DLGAP2: variants seen among roughly 807,000 people sequenced by gnomAD.
DLGAP2 encodes disks large-associated protein 2.
Under a neutral mutation model 100.3 loss-of-function variants are expected in DLGAP2, and 26 were observed. The ratio of observed to expected loss-of-function variants is 0.26; its 90% CI spans 0.19 to 0.36. The LOEUF (loss-of-function observed/expected upper bound fraction) is 0.36. Ranked by LOEUF, DLGAP2 falls within the 10% of genes least tolerant of loss-of-function variation. The pLI is 1.00. For missense variants in DLGAP2, 1,858 were observed against 1,453.2 expected (o/e 1.28, Z -4.53); for synonymous variants, 886 against 630.1 (o/e 1.41, Z -6.08).
rs867490767 is a variant in DLGAP2, at chr8:1,676,534, T to G, written c.2204T>G (p.Val735Gly). The G allele has an allele frequency of 6.2e-7, 1 of 1,612,794 alleles. No individual in the cohort carries two copies. The highest frequency in any genetic ancestry group is 1.7e-5 in the Admixed American group (1 of 59,898). ...ATAAGACGTTCTCTGTTGAATTAGG[T>G]GGAAACGGCCACAGATTCTGACACG... ...PEHQPYPRSDVETATDSDTES... is the reference protein window; with the variant it reads ...PEHQPYPRSDGETATDSDTES... The change falls in exon 11 of 15, where the codon GTG becomes GGG. Residue 735 changes from valine (V) to glycine (G), a missense_variant and splice_region_variant. Val to Gly is a moderately radical substitution (Grantham distance 109). Transcript: ENST00000637795.
Position 1,435,059 on chromosome 8 carries a change from G to A in DLGAP2, c.107-66307G>A, listed in dbSNP as rs377364774. 9.9e-5 allele frequency among the ~76,000 whole-genome samples: 15 copies of A among 152,256 alleles called. No individual in the cohort carries two copies. In the East Asian group the frequency reaches 1.9e-3, roughly 20 times the overall value. ...ACATTTCAATGGTCACTTTGGCTCCGCCGTCCTTATTGCTCCTGGAAGCTT... is the reference window on the plus strand; with the variant it reads ...ACATTTCAATGGTCACTTTGGCTCCACCGTCCTTATTGCTCCTGGAAGCTT... On this transcript the variant is annotated intron_variant, in intron 3 of 14. Transcript: ENST00000637795.
chr8:1,412,146 T>C (rs1168577828), intron 3 of DLGAP2, among the ~76,000 whole-genome samples: 6 of 152,190 alleles, frequency 3.9e-5, no homozygotes, highest in African/African-American at 1.4e-4. Context: ...TCCTCACCTG[T>C]GCTCCCTTTT....
At chr8:1,304,634 G>C (rs1056603695) in intron 3 of DLGAP2, among the ~76,000 whole-genome samples, 5 of 152,128 alleles carry the variant, frequency 3.3e-5, no homozygotes, top group African/African-American at 1.2e-4. Context: ...AATTTATATG[G>C]CTACACCTTA....
chr8:1,088,434 G>T (rs1804049603), intron 2 of DLGAP2, among the ~76,000 whole-genome samples: 1 of 152,112 alleles, frequency 6.6e-6, no homozygotes, highest in African/African-American at 2.4e-5. Flanking sequence ...ATCTTCTATG[G>T]CAGTTGACCA....
At chr8:1,171,471 G>T (rs62488981) in intron 2 of DLGAP2, among the ~76,000 whole-genome samples, 33,296 of 150,478 alleles carry the variant, frequency 0.22, 3,844 homozygotes, top group Middle Eastern at 0.35. Flanking sequence ...CTGTCTAATG[G>T]TGACAGTGGG....
chr8:1,653,181 G>A (rs571249752), intron 8 of DLGAP2, among the ~76,000 whole-genome samples: 1 of 152,146 alleles, frequency 6.6e-6, no homozygotes, highest in Non-Finnish European at 1.5e-5. Flanking sequence ...CTGTGGGTGG[G>A]GTAGGGAGCC....
At chr8:1,254,588 G>C (rs1352100580) in intron 2 of DLGAP2, among the ~76,000 whole-genome samples, 1 of 152,118 alleles carries the variant, frequency 6.6e-6, no homozygotes, top group African/African-American at 2.4e-5. Context: ...GGCCTAAGAC[G>C]GCTTCTCGCA....
rs1209692955 is a variant in DLGAP2 at position 960,235 on chromosome 8, A to ATTTTTTTTTTTTTTTTTT, written c.73+52270_73+52271insTTTTTTTTTTTTTTTTTT. 7.2e-4 allele frequency among the ~76,000 whole-genome samples: 6 copies of ATTTTTTTTTTTTTTTTTT among 8,340 alleles called. 1 individual carries two copies. The highest frequency in any genetic ancestry group is 0.014 in the South Asian group (2 of 144). The allele number at this position is 8,340 out of a possible 152,430, so 5.5% of individuals were successfully genotyped here. A position where few individuals can be genotyped will look rare whatever the true frequency, so the allele number is the denominator to read the frequency against. The stretch of plus-strand genomic sequence containing the variant: ...TTTTGGGCAATTATTCCTGAAGTAT[A>ATTTTTTTTTTTTTTTTTT]TCTTTTTTTTTTTTTTTCCCGAGAC... On this transcript the variant is annotated intron_variant, in intron 2 of 14. Transcript: ENST00000637795.
At chr8:949,826 A>C (rs1411018329) in intron 2 of DLGAP2, among the ~76,000 whole-genome samples, 1 of 152,218 alleles carries the variant, frequency 6.6e-6, no homozygotes, top group East Asian at 1.9e-4. Context: ...TCCAGAGAAC[A>C]CAGGCACCCA....
At chr8:912,945 C>A (rs1221286978) in intron 2 of DLGAP2, among the ~76,000 whole-genome samples, 3 of 152,224 alleles carry the variant, frequency 2.0e-5, no homozygotes, top group Admixed American at 2.0e-4. Flanking sequence ...GTGGTCTTTC[C>A]CCTCAGTAGC....
chr8:1,497,088 G>C (rs539410400), intron 3 of DLGAP2, among the ~76,000 whole-genome samples: 179 of 152,316 alleles, frequency 1.2e-3, no homozygotes, highest in Non-Finnish European at 2.1e-3. Flanking sequence ...TTCTGCCAGA[G>C]GGACCCTAAG....
chr8:1,622,428 G>A (rs1328490199), intron 6 of DLGAP2: 3 of 152,196 alleles, frequency 2.0e-5, no homozygotes, highest in African/African-American at 4.8e-5. Context: ...AAACAGCTGG[G>A]GTCAGAGGCC....
intron 2 of DLGAP2, among the ~76,000 whole-genome samples, chr8:1,208,541 GA>G (rs1213193543): frequency 2.0e-5 from 3 of 152,134 alleles, no homozygotes; most frequent in Non-Finnish European, 4.4e-5. Flanking sequence ...GGGAAAAGTT[GA>G]AAGCATTTTT....
At chr8:1,141,578 A>G (rs1294081781) in intron 2 of DLGAP2, among the ~76,000 whole-genome samples, 1 of 152,178 alleles carries the variant, frequency 6.6e-6, no homozygotes, top group African/African-American at 2.4e-5. Context: ...TAACCTTTAT[A>G]AGAGATTACA....
At chr8:1,092,914 C>T (rs1804232234) in intron 2 of DLGAP2, among the ~76,000 whole-genome samples, 2 of 152,210 alleles carry the variant, frequency 1.3e-5, no homozygotes, top group African/African-American at 4.8e-5. Flanking sequence ...GGGCAGTGAA[C>T]AGACCCCATA....
At chr8:901,934 G>T (rs1019179890) in intron 1 of DLGAP2, among the ~76,000 whole-genome samples, 2 of 152,242 alleles carry the variant, frequency 1.3e-5, no homozygotes, top group African/African-American at 2.4e-5. Flanking sequence ...TCCGGGATGG[G>T]CAGGGAGGAA....
chr8:895,531 A>G (rs922809881), intron 1 of DLGAP2, among the ~76,000 whole-genome samples: 1 of 152,178 alleles, frequency 6.6e-6, no homozygotes, highest in Admixed American at 6.5e-5. Context: ...CCAGAGCTTG[A>G]GAGGAGGCTG....
intron 3 of DLGAP2, among the ~76,000 whole-genome samples, chr8:1,332,792 G>A (rs771459926): frequency 2.0e-5 from 3 of 152,138 alleles, no homozygotes; most frequent in Non-Finnish European, 4.4e-5. Flanking sequence ...TAGGGTCCTG[G>A]ACCATTCATA....
At position 1,086,371 on chromosome 8, in the gene DLGAP2, A is replaced by G. The variant is rs1024240496; in HGVS notation, c.74-172480A>G. Among the ~76,000 whole-genome samples the G allele has an allele frequency of 5.3e-5, 8 of 152,134 alleles. 1 individual carries two copies. The highest frequency in any genetic ancestry group is 2.0e-4 in the Admixed American group (3 of 15,270). On this transcript the variant is annotated intron_variant, in intron 2 of 14. Coordinates refer to ENST00000637795, the MANE Select transcript of DLGAP2 (RefSeq NM_001346810.2). ...GAGAAAAAGCTTTCAACTTTTCTAC[A>G]TTGAGAGTATGATGTTTGTTGTGGG...
Sources: gnomAD v4.1 joint callset for allele counts (sites outside exome capture counted in the v4.1 genomes callset) on GRCh38, gnomAD v4.1.1 for gene constraint, MANE v1.5 for transcripts, NCBI Gene and HGNC (gene_info 2026-07-23, HGNC 2026-07-21) for gene names.